The following CCDC171 variants were observed in gnomAD, a reference collection of about 807,000 sequenced individuals.
CCDC171 encodes the protein coiled-coil domain containing 171.
Under a neutral mutation model 168.2 loss-of-function variants are expected in CCDC171, and 177 were observed. The ratio of observed to expected loss-of-function variants is 1.05; its 90% confidence interval spans 0.93 to 1.19. The LOEUF is 1.19. CCDC171 is among the 50% of genes most tolerant of loss of function. The pLI is 0.00. For synonymous variants in CCDC171, 687 were observed against 540.8 expected, an observed-to-expected ratio of 1.27 and a Z score of -3.75; for missense variants, 1,991 against 1,539.0, an observed-to-expected ratio of 1.29 and a Z score of -4.91.
At chr9:16,005,919 T>G (rs927317650) in intron 3 of CCDC171, among the ~76,000 whole-genome samples, 5 of 152,108 alleles carry the variant, frequency 3.3e-5, no homozygotes, top group Non-Finnish European at 2.9e-5. Context: ...TTTTTTTATT[T>G]TATTTTTTGA....
chr9:15,804,509 G>A (rs914054812), intron 21 of CCDC171, among the ~76,000 whole-genome samples: 4 of 151,544 alleles, frequency 2.6e-5, no homozygotes, highest in Non-Finnish European at 5.9e-5. Context: ...TTTGTTTTGG[G>A]TTCTGCTTAT....
chr9:15,678,822 GTAAT>G lies in CCDC171; in HGVS notation c.1144_1147del (p.Ile382Ter). On this transcript the variant is annotated frameshift_variant, in exon 10 of 26. Coordinates refer to ENST00000380701, the MANE Select transcript of CCDC171 (RefSeq NM_173550.4). LOFTEE classifies it high-confidence loss of function. ...TGAAGACATCGAGGAACAGAAGAAAGTAATTATAGACCTTTCAAAGAGACTCCAG... is the reference window on the plus strand; with the variant it reads ...TGAAGACATCGAGGAACAGAAGAAAGTATAGACCTTTCAAAGAGACTCCAG... 6.3e-7 allele frequency: 1 copy of G among 1,596,640 alleles called. No homozygotes were observed. Among genetic ancestry groups the G allele is most frequent in the Non-Finnish European group, 8.5e-7 (1 of 1,171,646 alleles).
intron 2 of CCDC171, among the ~76,000 whole-genome samples, chr9:15,565,215 A>G (rs1052923328): frequency 6.6e-6 from 1 of 151,898 alleles, no homozygotes; most frequent in African/African-American, 2.4e-5. Context: ...CAGCCTCCTA[A>G]GTAGCTGGGA....
chr9:15,832,167 G>T (rs1029115800), intron 21 of CCDC171, among the ~76,000 whole-genome samples: 13 of 152,122 alleles, frequency 8.5e-5, no homozygotes, highest in African/African-American at 3.1e-4. Flanking sequence ...AACTTTTGGT[G>T]TGAAATGCCA....
chr9:15,847,566 T>A (rs2060952916), intron 22 of CCDC171, among the ~76,000 whole-genome samples: 1 of 152,104 alleles, frequency 6.6e-6, no homozygotes, highest in East Asian at 1.9e-4. Context: ...CAGTTCTTTG[T>A]ACAACAGCAT....
intron 18 of CCDC171, among the ~76,000 whole-genome samples, chr9:15,746,916 C>T (rs372489807): frequency 2.6e-5 from 4 of 152,208 alleles, no homozygotes; most frequent in African/African-American, 9.6e-5. Flanking sequence ...GCTTTTCCCA[C>T]AGTCTTCACA....
chr9:15,644,541 C>T (rs1027880936), intron 7 of CCDC171, among the ~76,000 whole-genome samples: 5 of 152,188 alleles, frequency 3.3e-5, no homozygotes, highest in Admixed American at 6.5e-5. Flanking sequence ...GTCACTCCCA[C>T]CCTAATACTG....
At chr9:15,998,851 C>A (rs1832448022) in intron 3 of CCDC171, among the ~76,000 whole-genome samples, 1 of 152,214 alleles carries the variant, frequency 6.6e-6, no homozygotes, top group South Asian at 2.1e-4. Context: ...CTTGCCCCTA[C>A]TCCTCAGCAA....
At chr9:15,987,179 C>T (rs1178761810) in intron 3 of CCDC171, among the ~76,000 whole-genome samples, 2 of 152,076 alleles carry the variant, frequency 1.3e-5, no homozygotes, top group African/African-American at 4.8e-5. Flanking sequence ...GAAAACACCA[C>T]TAGCAAATGT....
intron 7 of CCDC171, among the ~76,000 whole-genome samples, chr9:15,640,442 T>C (rs1381068534): frequency 2.6e-5 from 4 of 152,142 alleles, no homozygotes; most frequent in Non-Finnish European, 5.9e-5. Flanking sequence ...ATTTAAAATA[T>C]TATGTATCAT....
At chr9:16,011,898 C>G (rs10810514) in intron 3 of CCDC171, among the ~76,000 whole-genome samples, 51,777 of 152,104 alleles carry the variant, frequency 0.34, 11,059 homozygotes, top group East Asian at 0.62. Flanking sequence ...TCCTTATCTT[C>G]TCAAGGGTTG....
At position 15,742,984 on chromosome 9, in the gene CCDC171, G is replaced by A. The variant is rs118147075; in HGVS notation, c.2050-1289G>A. 6.3e-4 allele frequency among the ~76,000 whole-genome samples: 96 copies of A among 151,534 alleles called. 1 individual carries two copies. In the East Asian group the frequency reaches 0.014, roughly 22 times the overall value. ...TGTAGAGACAGGGTCTTAGTCTGTT[G>A]CCCAGGTTGGTCCTAAACTCCTGCC... On this transcript the variant is annotated intron_variant, in intron 16 of 25. Transcript: ENST00000380701.
intron 24 of CCDC171, among the ~76,000 whole-genome samples, chr9:15,908,834 G>T (rs60997039): frequency 6.6e-6 from 1 of 152,020 alleles, no homozygotes; most frequent in Non-Finnish European, 1.5e-5. Flanking sequence ...AGAGGGAGGT[G>T]CCACATGGTT....
chr9:15,557,617 T>C (rs1405321645), intron 1 of CCDC171, among the ~76,000 whole-genome samples: 1 of 152,198 alleles, frequency 6.6e-6, no homozygotes, highest in Non-Finnish European at 1.5e-5. Flanking sequence ...AAGTTGCTTA[T>C]CAGCTTAAGG....
chr9:15,908,994 C>G (rs1239221155), intron 24 of CCDC171, among the ~76,000 whole-genome samples: 1 of 152,174 alleles, frequency 6.6e-6, no homozygotes, highest in Non-Finnish European at 1.5e-5. Flanking sequence ...GCACTTCTTC[C>G]ATTTGCATTA....
intron 25 of CCDC171, among the ~76,000 whole-genome samples, chr9:15,945,334 A>T (rs1828223000): frequency 6.8e-6 from 1 of 145,992 alleles, no homozygotes; most frequent in South Asian, 2.3e-4. Context: ...ATGCCGCAAT[A>T]AACATAGGTG....
chr9:16,010,619 A>G (rs759016471), intron 3 of CCDC171, among the ~76,000 whole-genome samples: 5 of 152,046 alleles, frequency 3.3e-5, no homozygotes, highest in African/African-American at 4.8e-5. Context: ...CAGCTTCCTC[A>G]CTACTGACAA....
At chr9:16,080,116 C>A in the CCDC171 span, among the ~76,000 whole-genome samples, 2 of 152,192 alleles carry the variant, frequency 1.3e-5, no homozygotes, top group Non-Finnish European at 2.9e-5. Context: ...GGCCTCTCTG[C>A]TGCATTTATG....
At chr9:15,917,305 A>T (rs1824665183) in intron 24 of CCDC171, among the ~76,000 whole-genome samples, 1 of 151,858 alleles carries the variant, frequency 6.6e-6, no homozygotes, top group Non-Finnish European at 1.5e-5. Flanking sequence ...AGTATATTTT[A>T]TACATATTAG....
Sources: gnomAD v4.1 joint callset for allele counts (sites outside exome capture counted in the v4.1 genomes callset) on GRCh38, gnomAD v4.1.1 for gene constraint, MANE v1.5 for transcripts, NCBI Gene and HGNC (gene_info 2026-07-23, HGNC 2026-07-21) for gene names.